The following OR2A7 variants were observed in gnomAD, a reference collection of about 807,000 sequenced individuals.
The protein encoded by OR2A7 is olfactory receptor 2A7.
For missense variants in OR2A7, 35 were observed against 359.2 expected (o/e 0.10, Z 7.30); for synonymous variants, 10 against 147.1 (o/e 0.07, Z 6.74).
intron 1 of OR2A7, among the ~76,000 whole-genome samples, chr7:144,261,774 A>G (rs1487154736): frequency 1.4e-3 from 213 of 151,070 alleles, no homozygotes; most frequent in African/African-American, 4.5e-3. Flanking sequence ...GCATGATATT[A>G]AAGTGTGACG....
Position 144,264,786 on chromosome 7 carries a change from A to C in OR2A7, c.-90T>G, listed in dbSNP as rs2052684168. On this transcript the variant is annotated 5_prime_UTR_variant, in exon 1 of 2. Coordinates refer to ENST00000641841, the MANE Select transcript of OR2A7 (RefSeq NM_001005328.2). The stretch of plus-strand genomic sequence containing the variant: ...GAACGTATCCGCATCATTAAACAAC[A>C]CGTGATTGTATAGTGTTAGCTTTTT... 6.6e-6 allele frequency: 1 copy of C among 151,764 alleles called. No homozygotes were observed. The highest frequency in any genetic ancestry group is 6.6e-5 in the Admixed American group (1 of 15,062). The allele number at this position is 151,764 out of a possible 1,614,324, so 9.4% of individuals were successfully genotyped here. A position where few individuals can be genotyped will look rare whatever the true frequency, so the allele number is the denominator to read the frequency against.
At chr7:144,259,657 T>C (rs763599164) in intron 1 of OR2A7, 25 bp from the exon 2 acceptor site, 29 of 1,597,608 alleles carry the variant, frequency 1.8e-5, no homozygotes, top group Non-Finnish European at 2.4e-5. Flanking sequence ...ATCAAGTTAA[T>C]GCTCATGGTT....
intron 1 of OR2A7, among the ~76,000 whole-genome samples, chr7:144,260,659 T>G (rs2128825900): frequency 6.6e-6 from 1 of 152,054 alleles, no homozygotes; most frequent in Admixed American, 6.6e-5. Context: ...AACCTTATTT[T>G]TTGTTATTTA....
chr7:144,264,398 T>G (rs1282119922), intron 1 of OR2A7, among the ~76,000 whole-genome samples: 14 of 150,956 alleles, frequency 9.3e-5, no homozygotes, highest in Admixed American at 8.7e-4. Context: ...TAGCTGAGAT[T>G]ATAGGTGTGC....
intron 1 of OR2A7, among the ~76,000 whole-genome samples, chr7:144,260,636 T>C (rs1172817454): frequency 6.6e-6 from 1 of 151,976 alleles, no homozygotes; most frequent in Non-Finnish European, 1.5e-5. Flanking sequence ...TAAAGACTTA[T>C]TTTTTAGCCC....
chr7:144,261,691 A>G (rs200236679), intron 1 of OR2A7, among the ~76,000 whole-genome samples: 5,587 of 147,560 alleles, frequency 0.038, 65 homozygotes, highest in East Asian at 0.16. Flanking sequence ...AATATATTTT[A>G]GTCATATTAT....
chr7:144,261,466 T>G (rs2052646241), intron 1 of OR2A7, among the ~76,000 whole-genome samples: 1 of 151,414 alleles, frequency 6.6e-6, no homozygotes, highest in Non-Finnish European at 1.5e-5. Context: ...AGAGACCTCA[T>G]CTCTTTTAAA....
chr7:144,264,515 C>T (rs1385100546), intron 1 of OR2A7, among the ~76,000 whole-genome samples, 186 bp downstream of exon 1: 1 of 152,096 alleles, frequency 6.6e-6, no homozygotes, highest in African/African-American at 2.4e-5. Flanking sequence ...CCTACCTCAG[C>T]CTCCCAAAGT....
chr7:144,261,975 G>A (rs936021896), intron 1 of OR2A7, among the ~76,000 whole-genome samples: 16 of 152,000 alleles, frequency 1.1e-4, no homozygotes, highest in African/African-American at 3.6e-4. Flanking sequence ...CTGCCCATCT[G>A]AGAAATGCCA....
rs563439720 is a variant in OR2A7, at chr7:144,262,223, G to C, written c.-5+2478C>G. On this transcript the variant is annotated intron_variant, in intron 1 of 1. Transcript: ENST00000641841. ...TCTCTGAGGAAGCCACAGTGATAAA[G>C]AGAATGAGACTAAGGCAAGAACAGA... Among the ~76,000 whole-genome samples the C allele has an allele frequency of 3.4e-3, 510 of 151,480 alleles. 7 individuals carry two copies. Among genetic ancestry groups the C allele is most frequent in the Non-Finnish European group, 5.2e-3 (354 of 67,850 alleles).
chr7:144,264,462 T>C lies in OR2A7; in HGVS notation c.-5+239A>G, dbSNP rs2052679029. ...TCTTGGTAGAGATGGGGTTTCACCA[T>C]GTTGGTCAGCGTTTTCTTGAACTCC... On this transcript the variant is annotated intron_variant, in intron 1 of 1. Coordinates refer to ENST00000641841, the MANE Select transcript of OR2A7 (RefSeq NM_001005328.2). 2.6e-5 allele frequency among the ~76,000 whole-genome samples: 4 copies of C among 151,960 alleles called. No homozygotes were observed. The South Asian group carries it at 6.2e-4, about 24-fold the overall frequency.
chr7:144,260,287 T>C (rs1185927125), intron 1 of OR2A7, among the ~76,000 whole-genome samples: 5 of 148,698 alleles, frequency 3.4e-5, no homozygotes, highest in Non-Finnish European at 7.5e-5. Context: ...CTTTCAGGGA[T>C]GAATGTCACA....
chr7:144,260,854 T>A (rs1421040882), intron 1 of OR2A7, among the ~76,000 whole-genome samples: 47 of 149,432 alleles, frequency 3.1e-4, no homozygotes, highest in Non-Finnish European at 6.1e-4. Flanking sequence ...TTCGATGAAT[T>A]TATGAGGAAT....
chr7:144,262,181 G>T (rs2052655812), intron 1 of OR2A7, among the ~76,000 whole-genome samples: 1 of 151,730 alleles, frequency 6.6e-6, no homozygotes, highest in African/African-American at 2.4e-5. Context: ...AGAGAATTGA[G>T]CTTCTGTCTC....
chr7:144,258,343 T>A lies in OR2A7; in HGVS notation c.*353A>T. The A allele has an allele frequency of 9.3e-6, 1 of 108,058 alleles. No homozygotes were observed. The highest frequency in any genetic ancestry group is 2.0e-4 in the Admixed American group (1 of 5,042). The allele number at this position is 108,058 out of a possible 1,614,324, so 6.7% of individuals were successfully genotyped here. A position where few individuals can be genotyped will look rare whatever the true frequency, so the allele number is the denominator to read the frequency against. On this transcript the variant is annotated 3_prime_UTR_variant, in exon 2 of 2. Coordinates refer to ENST00000641841, the MANE Select transcript of OR2A7 (RefSeq NM_001005328.2). ...TGATGTGAAGTAAGTCTCAAACTTA[T>A]TTGACTATAGAACTTATTTTTAAAG...
Position 144,258,938 on chromosome 7 carries a change from C to A in OR2A7, c.691G>T (p.Glu231Ter). ...LCAILQIQSR[E>*]VQRKAFCTCF... ...GTGCAGAAGGCTTTCCTCTGAACTT[C>A]CCTTGATTGGATCTGAAGGATAGCA... The change falls in exon 2 of 2, where the codon GAA becomes TAA. Residue 231 changes from glutamate to a stop codon, truncating the protein, a stop_gained. Transcript: ENST00000641841. LOFTEE classifies it low-confidence loss of function (END_TRUNC). The A allele has an allele frequency of 6.2e-7, 1 of 1,613,624 alleles. No homozygotes were observed. The highest frequency in any genetic ancestry group is 8.5e-7 in the Non-Finnish European group (1 of 1,179,890).
rs1229250730 is a variant in OR2A7, at chr7:144,259,165, G to A, written c.464C>T (p.Ser155Phe). 1 of 1,261,332 alleles carries A rather than the reference G, an allele frequency of 7.9e-7. No individual in the cohort carries two copies. The highest frequency in any genetic ancestry group is 1.1e-6 in the Non-Finnish European group (1 of 888,618). 78.1% of individuals were successfully genotyped at this position (1,261,332 alleles called of 1,614,324 possible). The change falls in exon 2 of 2, where the codon TCC becomes TTC. Residue 155 changes from serine to phenylalanine, a missense_variant. By Grantham distance (155) the Ser-to-Phe change is radical. Coordinates refer to ENST00000641841, the MANE Select transcript of OR2A7 (RefSeq NM_001005328.2). ...VTSWTTGVLL[S>F]LIHLVLLLPL... ...TAGAAGTAACACAAGATGAATCAAG[G>A]ATAAAAGGACTCCAGTGGTCCAGGA...
chr7:144,258,841 T>C lies in OR2A7; in HGVS notation c.788A>G (p.Tyr263Cys). ...TTTCTTCTGCTCCTTGGGGTTCCCA[T>C]ATCTGGGTCCAACATACATGATAAT... is the stretch of plus-strand genomic sequence containing the variant. Reference protein sequence around the residue: ...TAIIMYVGPRYGNPKEQKKYL... With the variant: ...TAIIMYVGPRCGNPKEQKKYL... The change falls in exon 2 of 2, where the codon TAT becomes TGT. Residue 263 changes from tyrosine to cysteine, a missense_variant. Tyr to Cys is a radical substitution (Grantham distance 194). Coordinates refer to ENST00000641841, the MANE Select transcript of OR2A7 (RefSeq NM_001005328.2). 1 of 1,613,578 alleles carries C rather than the reference T, an allele frequency of 6.2e-7. No homozygotes were observed. The highest frequency in any genetic ancestry group is 8.5e-7 in the Non-Finnish European group (1 of 1,179,910).
At chr7:144,260,209 T>G (rs2052626106) in intron 1 of OR2A7, among the ~76,000 whole-genome samples, 1 of 142,112 alleles carries the variant, frequency 7.0e-6, no homozygotes, top group South Asian at 2.3e-4. Flanking sequence ...AGGCTAAAAT[T>G]TAAAAATAAA....
Sources: allele counts gnomAD v4.1 joint callset (sites outside exome capture counted in the v4.1 genomes callset), GRCh38; gene constraint gnomAD v4.1.1; transcripts MANE v1.5; gene names NCBI Gene and HGNC (gene_info 2026-07-23, HGNC 2026-07-21).